Variants in MAP3K13 observed in about 807,000 individuals in gnomAD.
The protein encoded by MAP3K13 is leucine zipper-bearing kinase.
In MAP3K13, 52 loss-of-function variants were observed where a neutral mutation model predicts 104.0. The observed-to-expected ratio is 0.50, with a 90% confidence interval of 0.40 to 0.63. The LOEUF (loss-of-function observed/expected upper bound fraction) is 0.63, where lower values mean the gene tolerates loss of function less well. Among genes scored for constraint, MAP3K13 ranks in the 20% least tolerant of loss-of-function variants. The pLI is 0.00. For missense variants in MAP3K13, 914 were observed against 1,218.5 expected (o/e 0.75, Z 3.72); for synonymous variants, 394 against 442.2 (o/e 0.89, Z 1.37).
intron 1 of MAP3K13, among the ~76,000 whole-genome samples, chr3:185,369,583 G>T (rs563188484): frequency 1.3e-5 from 2 of 152,308 alleles, no homozygotes; most frequent in South Asian, 2.1e-4. Flanking sequence ...TCACCACTGA[G>T]AATCACTGCA....
intron 3 of MAP3K13, among the ~76,000 whole-genome samples, chr3:185,443,066 C>G (rs989891001): frequency 6.6e-6 from 1 of 152,142 alleles, no homozygotes; most frequent in Non-Finnish European, 1.5e-5. Flanking sequence ...GTCTTGAACT[C>G]CTGACCCTGT....
intron 7 of MAP3K13, among the ~76,000 whole-genome samples, chr3:185,458,662 G>A (rs891311173): frequency 7.2e-5 from 11 of 152,070 alleles, no homozygotes; most frequent in Non-Finnish European, 1.3e-4. Context: ...TGTACCTGAG[G>A]CCTTGCCTCC....
intron 2 of MAP3K13, among the ~76,000 whole-genome samples, chr3:185,430,221 C>T (rs1714666562): frequency 6.6e-6 from 1 of 152,080 alleles, no homozygotes; most frequent in Non-Finnish European, 1.5e-5. Flanking sequence ...AAGTTTTTAA[C>T]TCCCATCATT....
At chr3:185,455,056 TGTG>T (rs1560118244) in intron 7 of MAP3K13, among the ~76,000 whole-genome samples, 1 of 92,442 alleles carries the variant, frequency 1.1e-5, no homozygotes, top group Non-Finnish European at 2.0e-5. Flanking sequence ...ATGAGATATA[TGTG>T]AGATATATAT....
chr3:185,421,226 C>G (rs1011282809), intron 1 of MAP3K13, among the ~76,000 whole-genome samples: 2 of 151,724 alleles, frequency 1.3e-5, no homozygotes, highest in African/African-American at 2.4e-5. Context: ...CGGAGTCTCC[C>G]TCTATTGCCC....
intron 2 of MAP3K13, among the ~76,000 whole-genome samples, chr3:185,331,891 C>T (rs1312407958): frequency 1.3e-5 from 2 of 152,058 alleles, no homozygotes; most frequent in African/African-American, 2.4e-5. Context: ...TAACATTATA[C>T]GTAATGTTCT....
At chr3:185,467,049 C>G in intron 10 of MAP3K13, 86 bp downstream of exon 10, 1 of 1,484,278 alleles carries the variant, frequency 6.7e-7, no homozygotes, top group Middle Eastern at 1.7e-4. Context: ...CGGATGTGGC[C>G]TCTTCTTTAG....
chr3:185,459,418 G>A (rs1373497994), intron 7 of MAP3K13, among the ~76,000 whole-genome samples: 1 of 152,038 alleles, frequency 6.6e-6, no homozygotes, highest in African/African-American at 2.4e-5. Flanking sequence ...GTAAAATAAA[G>A]ATAGTATAAA....
At chr3:185,354,424 C>T (rs1234664142) in intron 2 of MAP3K13, among the ~76,000 whole-genome samples, 2 of 148,060 alleles carry the variant, frequency 1.4e-5, no homozygotes, top group South Asian at 2.3e-4. Context: ...GTTAGGCTAC[C>T]GGGTGATGCT....
intron 2 of MAP3K13, among the ~76,000 whole-genome samples, chr3:185,311,904 C>A (rs1469191089): frequency 6.6e-6 from 1 of 152,198 alleles, no homozygotes; most frequent in Admixed American, 6.5e-5. Context: ...ACTATTCATT[C>A]ATTGGAATAA....
intron 4 of MAP3K13, among the ~76,000 whole-genome samples, chr3:185,447,372 T>C (rs1359631422): frequency 2.0e-5 from 3 of 151,340 alleles, no homozygotes; most frequent in African/African-American, 7.3e-5. Flanking sequence ...GTGCCTGTAA[T>C]TGCAGCTACT....
At chr3:185,467,920 T>C (rs913896476) in intron 10 of MAP3K13, among the ~76,000 whole-genome samples, 10 of 151,914 alleles carry the variant, frequency 6.6e-5, no homozygotes, top group Non-Finnish European at 1.3e-4. Flanking sequence ...AGGAAACTTA[T>C]AATCATGGTG....
chr3:185,350,845 G>A (rs986735215), intron 2 of MAP3K13, among the ~76,000 whole-genome samples: 4 of 152,100 alleles, frequency 2.6e-5, no homozygotes, highest in African/African-American at 4.8e-5. Context: ...ACTACCATTC[G>A]ACATAGCAGT....
At chr3:185,397,256 A>G (rs959579752) in intron 1 of MAP3K13, among the ~76,000 whole-genome samples, 2 of 152,226 alleles carry the variant, frequency 1.3e-5, no homozygotes, top group African/African-American at 4.8e-5. Flanking sequence ...CTAATTTCTT[A>G]TATTCACAGA....
Position 185,450,030 on chromosome 3 carries a change from G to T in MAP3K13, c.1141G>T (p.Gly381Ter). ...HLPVPSTCPD[G>*]FKILMKQTWQ... The stretch of plus-strand genomic sequence containing the variant: ...TCCAGTTCCTTCCACTTGCCCTGAT[G>T]GATTCAAAATCCTTATGAAACAGAC... Residue 381 changes from glycine to a stop codon, truncating the protein, a stop_gained, in exon 6 of 14, where the codon GGA (glycine) becomes TGA (stop). Transcript: ENST00000265026. LOFTEE classifies it high-confidence loss of function. The surrounding 1 kb of genome is among the most constrained non-coding windows in gnomAD (Gnocchi z 4.2). 1 of 1,612,032 alleles carries T rather than the reference G, an allele frequency of 6.2e-7. No individual in the cohort carries two copies. Among genetic ancestry groups the T allele is most frequent in the Non-Finnish European group, 8.5e-7 (1 of 1,179,232 alleles).
At chr3:185,399,121 T>G (rs909493588) in intron 1 of MAP3K13, among the ~76,000 whole-genome samples, 1 of 152,142 alleles carries the variant, frequency 6.6e-6, no homozygotes, top group Non-Finnish European at 1.5e-5. Context: ...ACAGAGGGTT[T>G]CGAAGAAAGG....
intron 2 of MAP3K13, among the ~76,000 whole-genome samples, chr3:185,342,819 G>A (rs990604563): frequency 6.6e-6 from 1 of 152,248 alleles, no homozygotes; most frequent in Admixed American, 6.5e-5. Context: ...CTCAGTTACT[G>A]GGCATGGCCT....
chr3:185,451,840 C>G (rs1715905426), intron 7 of MAP3K13, among the ~76,000 whole-genome samples: 1 of 146,666 alleles, frequency 6.8e-6, no homozygotes, highest in Non-Finnish European at 1.5e-5. Context: ...GTACTCCAGC[C>G]TGGGCAACAA....
chr3:185,333,063 T>C (rs553576222), intron 2 of MAP3K13, among the ~76,000 whole-genome samples: 1 of 152,362 alleles, frequency 6.6e-6, no homozygotes, highest in Non-Finnish European at 1.5e-5. Flanking sequence ...TTAAAATAAA[T>C]GCCTTTTTCT....
Sources: gnomAD v4.1 joint callset for allele counts (sites outside exome capture counted in the v4.1 genomes callset) on GRCh38, gnomAD v4.1.1 for gene constraint, Gnocchi (gnomAD v3.1) non-coding constraint, MANE v1.5 for transcripts, NCBI Gene and HGNC (gene_info 2026-07-23, HGNC 2026-07-21) for gene names.